The following TNS1 variants were observed in gnomAD, a reference collection of about 807,000 sequenced individuals.
The protein encoded by TNS1 is tensin-1.
In TNS1, 62 loss-of-function variants were observed where a neutral mutation model predicts 168.6. The observed-to-expected ratio is 0.37, with a 90% CI of 0.30 to 0.45. TNS1 has a LOEUF of 0.45. Ranked by LOEUF, TNS1 falls within the 20% of genes least tolerant of loss-of-function variation. The pLI is 1.00. For missense variants in TNS1, 2,240 were observed against 2,339.4 expected (o/e 0.96, Z 0.88); for synonymous variants, 934 against 933.2 (o/e 1.00, Z -0.02).
At chr2:217,851,732 C>T (rs1947527812) in intron 18 of TNS1, among the ~76,000 whole-genome samples, 1 of 152,256 alleles carries the variant, frequency 6.6e-6, no homozygotes, top group Admixed American at 6.5e-5. Context: ...GGACCAGGCA[C>T]AGCTGCCTCT....
At chr2:217,923,734 C>A (rs1321088577) in intron 3 of TNS1, among the ~76,000 whole-genome samples, 1 of 152,196 alleles carries the variant, frequency 6.6e-6, no homozygotes, top group Non-Finnish European at 1.5e-5. Flanking sequence ...GCTATTACCC[C>A]CAATTCACAG....
At chr2:218,015,535 C>T (rs1958749920) in intron 1 of TNS1, among the ~76,000 whole-genome samples, 1 of 152,266 alleles carries the variant, frequency 6.6e-6, no homozygotes, top group East Asian at 1.9e-4. Flanking sequence ...AGACCATTTC[C>T]TCTTAGTCTG....
At chr2:218,023,937 G>C (rs1050714619) in intron 1 of TNS1, among the ~76,000 whole-genome samples, 1 of 129,750 alleles carries the variant, frequency 7.7e-6, no homozygotes, top group East Asian at 3.4e-4. Flanking sequence ...GCAGACTTCA[G>C]AGAGTGACAA....
chr2:217,813,390 G>C lies in TNS1; in HGVS notation c.4862-83C>G, dbSNP rs779776229. ...CTCCCAAGACTGCTTCAAAACTTCC[G>C]CAGTGTGCGGGGCCAAGATGGGAGA... On this transcript the variant is annotated intron_variant, in intron 26 of 32. Coordinates refer to ENST00000682258, the MANE Select transcript of TNS1 (RefSeq NM_001387777.1). The surrounding 1 kb of genome is among the most constrained non-coding windows in gnomAD (Gnocchi z 4.0). 8.3e-7 allele frequency: 1 copy of C among 1,210,558 alleles called. No homozygotes were observed. The highest frequency in any genetic ancestry group is 1.3e-5 in the South Asian group (1 of 76,668). 75.0% of individuals were successfully genotyped at this position (1,210,558 alleles called of 1,614,324 possible).
chr2:218,009,562 T>C (rs1958688202), intron 1 of TNS1, among the ~76,000 whole-genome samples: 1 of 137,202 alleles, frequency 7.3e-6, no homozygotes, highest in Non-Finnish European at 1.6e-5. Flanking sequence ...GCCCCCATCC[T>C]CTCCCTGTCC....
chr2:217,977,417 T>C (rs1957922561), intron 3 of TNS1, among the ~76,000 whole-genome samples: 1 of 152,252 alleles, frequency 6.6e-6, no homozygotes, highest in Non-Finnish European at 1.5e-5. Context: ...AGCTGGAGTC[T>C]ACAGATGGAG....
chr2:217,911,196 G>A (rs1012698716), intron 4 of TNS1, among the ~76,000 whole-genome samples: 1 of 152,200 alleles, frequency 6.6e-6, no homozygotes, highest in Non-Finnish European at 1.5e-5. Context: ...TCCACCAGGG[G>A]TCTTCCAGAG....
intron 12 of TNS1, among the ~76,000 whole-genome samples, chr2:217,888,753 G>A (rs144501319): frequency 6.6e-6 from 1 of 152,268 alleles, no homozygotes; most frequent in African/African-American, 2.4e-5. Context: ...CCATGATTGT[G>A]AGACCTCCCC....
chr2:217,910,875 T>C (rs1052453147), intron 4 of TNS1, among the ~76,000 whole-genome samples: 4 of 152,144 alleles, frequency 2.6e-5, no homozygotes, highest in Non-Finnish European at 5.9e-5. Flanking sequence ...GGAGGTCTGA[T>C]CTGCCCAGCC....
intron 5 of TNS1, 21 bp downstream of exon 5, chr2:217,907,189 C>T (rs747386298): frequency 5.7e-6 from 4 of 703,118 alleles, no homozygotes; most frequent in South Asian, 4.4e-5. Flanking sequence ...AGCTCCCCCA[C>T]CACCACCTGC....
At chr2:217,985,920 A>C (rs1480308750) in intron 2 of TNS1, among the ~76,000 whole-genome samples, 1 of 152,184 alleles carries the variant, frequency 6.6e-6, no homozygotes, top group Admixed American at 6.5e-5. Context: ...GGGGTCCCAG[A>C]GCCCTGACCC....
chr2:217,808,311 C>A (rs887050966), intron 31 of TNS1, among the ~76,000 whole-genome samples: 1 of 151,716 alleles, frequency 6.6e-6, no homozygotes, highest in Non-Finnish European at 1.5e-5. Flanking sequence ...AACACTGCAG[C>A]CTGCCTCCTG....
intron 18 of TNS1, chr2:217,850,687 C>T (rs916499733): frequency 1.0e-4 from 86 of 836,852 alleles, no homozygotes; most frequent in Non-Finnish European, 1.2e-4. Context: ...AAAGCCAGCT[C>T]CCAAAGACTG....
chr2:217,925,530 C>T (rs1291429888), intron 3 of TNS1, among the ~76,000 whole-genome samples: 1 of 152,182 alleles, frequency 6.6e-6, no homozygotes, highest in Non-Finnish European at 1.5e-5. Context: ...ACAGCTTTGC[C>T]CCTAGCTTAA....
chr2:217,864,961 G>A (rs577373120), intron 18 of TNS1, among the ~76,000 whole-genome samples: 2 of 152,302 alleles, frequency 1.3e-5, no homozygotes, highest in East Asian at 1.9e-4. Flanking sequence ...CAGAGAGGTG[G>A]GTGTGTGCAG....
At chr2:218,020,671 G>A (rs529392407) in intron 1 of TNS1, among the ~76,000 whole-genome samples, 1 of 152,196 alleles carries the variant, frequency 6.6e-6, no homozygotes, top group Non-Finnish European at 1.5e-5. Flanking sequence ...CCTGACCCTG[G>A]GGGTTCTGAG....
chr2:218,007,560 G>A (rs1574479534), upstream of TNS1, among the ~76,000 whole-genome samples: 2 of 95,652 alleles, frequency 2.1e-5, no homozygotes, highest in South Asian at 6.8e-4. Flanking sequence ...CCTGAGGCTC[G>A]GGGGGTGGGG....
At chr2:217,998,487 A>G (rs1037522277) in intron 1 of TNS1, among the ~76,000 whole-genome samples, 3 of 152,108 alleles carry the variant, frequency 2.0e-5, no homozygotes, top group Admixed American at 2.0e-4. Context: ...CCTGCGCTGG[A>G]GTGAGGAACT....
chr2:217,810,096 G>T, intron 29 of TNS1, 105 bp from the exon 30 acceptor site: 1 of 1,482,930 alleles, frequency 6.7e-7, no homozygotes, highest in Non-Finnish European at 9.2e-7. Flanking sequence ...TTTCAGGCTA[G>T]CCTTGAGCCA....
Sources: allele counts gnomAD v4.1 joint callset (sites outside exome capture counted in the v4.1 genomes callset), GRCh38; gene constraint gnomAD v4.1.1; non-coding constraint Gnocchi (gnomAD v3.1); transcripts MANE v1.5; gene names NCBI Gene and HGNC (gene_info 2026-07-23, HGNC 2026-07-21).